The following NLRP2B variants were observed in gnomAD, a reference collection of about 807,000 sequenced individuals.
NLRP2B encodes the protein NLR family pyrin domain containing 2B.
For synonymous variants in NLRP2B, 16 were observed against 3.5 expected (o/e 4.63, Z -4.03); for missense variants, 25 against 6.8 (o/e 3.70, Z -3.00).
rs2011719704 is a variant in NLRP2B at position 57,677,691 on chromosome X, G to A, written c.*2432C>T. On this transcript the variant is annotated 3_prime_UTR_variant, in exon 1 of 1. Transcript: ENST00000434992. ...CAACCAAAACAGCAGCAAAGTTCTT[G>A]CAATTGCCTTCTATAAAGTGACAGT... is the stretch of plus-strand genomic sequence containing the variant. 1 of 352,072 alleles carries A rather than the reference G, an allele frequency of 2.8e-6. No individual in the cohort carries two copies. The highest frequency in any genetic ancestry group is 5.5e-6 in the Non-Finnish European group (1 of 182,268). The allele number at this position is 352,072 out of a possible 1,213,427, so 29.0% of individuals were successfully genotyped here.
At position 57,678,224 on chromosome X, in the gene NLRP2B, C is replaced by A. The variant is rs1029464213; in HGVS notation, c.*1899G>T. On this transcript the variant is annotated 3_prime_UTR_variant, in exon 1 of 1. Transcript: ENST00000434992. ...CAGAAAGGAAGCATGTGTTGATCAT[C>A]CTGGGATCTCTCAACTTCAGCATCT... The A allele has an allele frequency of 1.9e-6, 1 of 534,518 alleles. No individual in the cohort carries two copies. Among genetic ancestry groups the A allele is most frequent in the Non-Finnish European group, 3.4e-6 (1 of 291,734 alleles). 44.1% of individuals were successfully genotyped at this position (534,518 alleles called of 1,213,427 possible). A position where few individuals can be genotyped will look rare whatever the true frequency, so the allele number is the denominator to read the frequency against.
In NLRP2B at chrX:57,679,441, T is replaced by C. The variant is rs1054359132; in HGVS notation, c.*682A>G. 1.3e-5 allele frequency: 13 copies of C among 1,000,718 alleles called. No homozygotes were observed. The Middle Eastern group carries it at 1.0e-3, about 79-fold the overall frequency. The allele number at this position is 1,000,718 out of a possible 1,213,427, so 82.5% of individuals were successfully genotyped here. On this transcript the variant is annotated 3_prime_UTR_variant, in exon 1 of 1. Transcript: ENST00000434992. ...GATTTTCTGTGCTTGGGCTAGGATG[T>C]TTGGAATGTCATCCTGCAATTCAGG...
Position 57,678,499 on chromosome X carries a change from T to C in NLRP2B, c.*1624A>G. On this transcript the variant is annotated 3_prime_UTR_variant, in exon 1 of 1. Coordinates refer to ENST00000434992, the MANE Select transcript of NLRP2B (RefSeq NM_001319967.1). ...GTGTCCAACCTTTTCACAATTTATC[T>C]CTCATCACAGTAATTCCTTTTTGAT... 1 of 512,799 alleles carries C rather than the reference T, an allele frequency of 2.0e-6. No homozygotes were observed. The allele number at this position is 512,799 out of a possible 1,213,427, so 42.3% of individuals were successfully genotyped here. A position where few individuals can be genotyped will look rare whatever the true frequency, so the allele number is the denominator to read the frequency against.
Position 57,680,109 on chromosome X carries a change from TC to T in NLRP2B, c.*13del. The T allele has an allele frequency of 2.2e-6, 1 of 456,433 alleles. No homozygotes were observed. Among genetic ancestry groups the T allele is most frequent in the Non-Finnish European group, 3.9e-6 (1 of 253,944 alleles). 37.6% of individuals were successfully genotyped at this position (456,433 alleles called of 1,213,427 possible). A position where few individuals can be genotyped will look rare whatever the true frequency, so the allele number is the denominator to read the frequency against. Reference sequence around the variant, plus strand: ...GATGATTTCTGCCAGTTGCTTCCCATCAGCCTTGTCTACCTATGTCTGGGGG... The same window carrying T: ...GATGATTTCTGCCAGTTGCTTCCCATAGCCTTGTCTACCTATGTCTGGGGG... On this transcript the variant is annotated 3_prime_UTR_variant, in exon 1 of 1. Coordinates refer to ENST00000434992, the MANE Select transcript of NLRP2B (RefSeq NM_001319967.1).
Position 57,678,618 on chromosome X carries a change from G to T in NLRP2B, c.*1505C>A. On this transcript the variant is annotated 3_prime_UTR_variant, in exon 1 of 1. Transcript: ENST00000434992. Reference sequence around the variant, plus strand: ...ATAAGAAGTGTCTTGCTTGGATCAGGTCGGGGTTCTTGAGTCTTTCTTCTC... The same window carrying T: ...ATAAGAAGTGTCTTGCTTGGATCAGTTCGGGGTTCTTGAGTCTTTCTTCTC... 4.4e-6 allele frequency: 2 copies of T among 457,332 alleles called. No homozygotes were observed. The highest frequency in any genetic ancestry group is 3.9e-5 in the East Asian group (1 of 25,341). The allele number at this position is 457,332 out of a possible 1,213,427, so 37.7% of individuals were successfully genotyped here. A position where few individuals can be genotyped will look rare whatever the true frequency, so the allele number is the denominator to read the frequency against.
Position 57,678,601 on chromosome X carries a change from T to C in NLRP2B, c.*1522A>G. ...CTCGTTGGCGAAGCCGAATAAGAAG[T>C]GTCTTGCTTGGATCAGGTCGGGGTT... On this transcript the variant is annotated 3_prime_UTR_variant, in exon 1 of 1. Transcript: ENST00000434992. 1 of 473,015 alleles carries C rather than the reference T, an allele frequency of 2.1e-6. No individual in the cohort carries two copies. Among genetic ancestry groups the C allele is most frequent in the Non-Finnish European group, 3.9e-6 (1 of 257,052 alleles). 39.0% of individuals were successfully genotyped at this position (473,015 alleles called of 1,213,427 possible).
At position 57,677,714 on chromosome X, in the gene NLRP2B, A is replaced by C. The variant is rs921922113; in HGVS notation, c.*2409T>G. ...TTGCAATTGCCTTCTATAAAGTGAC[A>C]GTTTTCCAACAACAACCTCGGCAGG... On this transcript the variant is annotated 3_prime_UTR_variant, in exon 1 of 1. Transcript: ENST00000434992. The C allele has an allele frequency of 2.7e-6, 1 of 375,426 alleles. No homozygotes were observed. The highest frequency in any genetic ancestry group is 2.5e-5 in the African/African-American group (1 of 39,232). 30.9% of individuals were successfully genotyped at this position (375,426 alleles called of 1,213,427 possible). A position where few individuals can be genotyped will look rare whatever the true frequency, so the allele number is the denominator to read the frequency against.
Position 57,678,520 on chromosome X carries a change from T to C in NLRP2B, c.*1603A>G, listed in dbSNP as rs2011732080. ...TATCTCTCATCACAGTAATTCCTTT[T>C]TGATCTCCGGTGACATCAGGCAGCC... On this transcript the variant is annotated 3_prime_UTR_variant, in exon 1 of 1. Transcript: ENST00000434992. The C allele has an allele frequency of 2.0e-6, 1 of 508,331 alleles. No homozygotes were observed. Among genetic ancestry groups the C allele is most frequent in the African/African-American group, 2.3e-5 (1 of 43,591 alleles). The allele number at this position is 508,331 out of a possible 1,213,427, so 41.9% of individuals were successfully genotyped here.
In NLRP2B at chrX:57,677,784, C is replaced by T; in HGVS notation, c.*2339G>A. ...AAGTTGTGTACAGCAACTTGGCACCCTCATCCAAGAGCTCATTGTGAGAGA... is the reference window on the plus strand; with the variant it reads ...AAGTTGTGTACAGCAACTTGGCACCTTCATCCAAGAGCTCATTGTGAGAGA... On this transcript the variant is annotated 3_prime_UTR_variant, in exon 1 of 1. Coordinates refer to ENST00000434992, the MANE Select transcript of NLRP2B (RefSeq NM_001319967.1). 2.3e-6 allele frequency: 1 copy of T among 439,350 alleles called. No individual in the cohort carries two copies. Among genetic ancestry groups the T allele is most frequent in the Non-Finnish European group, 4.4e-6 (1 of 229,466 alleles). The allele number at this position is 439,350 out of a possible 1,213,427, so 36.2% of individuals were successfully genotyped here. A position where few individuals can be genotyped will look rare whatever the true frequency, so the allele number is the denominator to read the frequency against.
In NLRP2B at chrX:57,677,644, AG is replaced by A; in HGVS notation, c.*2478del. The A allele has an allele frequency of 3.1e-6, 1 of 325,120 alleles. No individual in the cohort carries two copies. Among genetic ancestry groups the A allele is most frequent in the Non-Finnish European group, 5.9e-6 (1 of 168,482 alleles). 26.8% of individuals were successfully genotyped at this position (325,120 alleles called of 1,213,427 possible). ...GAGTGGGGGGTTCTTGGCCAAGCAC[AG>A]GTGTGTCAGCTCCCCGCTGACAACC... On this transcript the variant is annotated 3_prime_UTR_variant, in exon 1 of 1. Coordinates refer to ENST00000434992, the MANE Select transcript of NLRP2B (RefSeq NM_001319967.1).
Position 57,677,543 on chromosome X carries a change from C to A in NLRP2B, c.*2580G>T, listed in dbSNP as rs1309810046. 6.3e-6 allele frequency: 2 copies of A among 315,376 alleles called. No individual in the cohort carries two copies. The highest frequency in any genetic ancestry group is 1.2e-5 in the Non-Finnish European group (2 of 165,923). The allele number at this position is 315,376 out of a possible 1,213,427, so 26.0% of individuals were successfully genotyped here. On this transcript the variant is annotated 3_prime_UTR_variant, in exon 1 of 1. Coordinates refer to ENST00000434992, the MANE Select transcript of NLRP2B (RefSeq NM_001319967.1). Reference sequence around the variant, plus strand: ...CAGCCATTGCTAGTTATGTCGCAGTCCCACAGCACCAGGGTCTGTAGTTTA... The same window carrying A: ...CAGCCATTGCTAGTTATGTCGCAGTACCACAGCACCAGGGTCTGTAGTTTA...
rs1267262697 is a variant in NLRP2B, at chrX:57,678,877, C to T, written c.*1246G>A. On this transcript the variant is annotated 3_prime_UTR_variant, in exon 1 of 1. Transcript: ENST00000434992. ...CCCGAGCCTCGCCAAGTCCTCTCCA[C>T]GGAACACTGACATCTGCGCCCACAG... The T allele has an allele frequency of 1.3e-5, 5 of 376,123 alleles. No homozygotes were observed. The highest frequency in any genetic ancestry group is 3.4e-5 in the South Asian group (1 of 29,291). 31.0% of individuals were successfully genotyped at this position (376,123 alleles called of 1,213,427 possible).
rs942827212 is a variant in NLRP2B, at chrX:57,680,016, G to T, written c.*107C>A. 5.1e-5 allele frequency: 18 copies of T among 349,848 alleles called. No individual in the cohort carries two copies. Among genetic ancestry groups the T allele is most frequent in the South Asian group, 1.1e-4 (1 of 9,415 alleles). The allele number at this position is 349,848 out of a possible 1,213,427, so 28.8% of individuals were successfully genotyped here. A position where few individuals can be genotyped will look rare whatever the true frequency, so the allele number is the denominator to read the frequency against. The stretch of plus-strand genomic sequence containing the variant: ...ATCCTTTACTTTCTCAGACAGATCC[G>T]CTCGGTGCATCTTTTCAAAGACCTG... On this transcript the variant is annotated 3_prime_UTR_variant, in exon 1 of 1. Transcript: ENST00000434992.
rs1368855230 is a variant in NLRP2B, at chrX:57,678,689, C to T, written c.*1434G>A. The T allele has an allele frequency of 2.7e-5, 11 of 411,064 alleles. No individual in the cohort carries two copies. Among genetic ancestry groups the T allele is most frequent in the Non-Finnish European group, 4.5e-5 (10 of 223,467 alleles). 33.9% of individuals were successfully genotyped at this position (411,064 alleles called of 1,213,427 possible). ...TCTCCATTGTCCCAGGCGTGGCCGT[C>T]CTTGTCCTCCTCCTCCTCCTCCTCC... On this transcript the variant is annotated 3_prime_UTR_variant, in exon 1 of 1. Coordinates refer to ENST00000434992, the MANE Select transcript of NLRP2B (RefSeq NM_001319967.1).
rs971054006 is a variant in NLRP2B, at chrX:57,679,211, C to T, written c.*912G>A. On this transcript the variant is annotated 3_prime_UTR_variant, in exon 1 of 1. Coordinates refer to ENST00000434992, the MANE Select transcript of NLRP2B (RefSeq NM_001319967.1). ...GGAACTCCTCCACCCTTACATAGAT[C>T]GGCCGCTCCACCAACAGCCGGAGGT... 1.1e-5 allele frequency: 5 copies of T among 449,221 alleles called. No homozygotes were observed. Among genetic ancestry groups the T allele is most frequent in the Non-Finnish European group, 2.0e-5 (5 of 244,414 alleles). The allele number at this position is 449,221 out of a possible 1,213,427, so 37.0% of individuals were successfully genotyped here. A position where few individuals can be genotyped will look rare whatever the true frequency, so the allele number is the denominator to read the frequency against.
chrX:57,679,275 G>C lies in NLRP2B; in HGVS notation c.*848C>G, dbSNP rs975976075. ...CAGGCCACGTGGTGACCAGCACGGC[G>C]GCCCTGGGTAAAATCTTCCTCTTCA... On this transcript the variant is annotated 3_prime_UTR_variant, in exon 1 of 1. Coordinates refer to ENST00000434992, the MANE Select transcript of NLRP2B (RefSeq NM_001319967.1). 4.3e-6 allele frequency: 2 copies of C among 467,475 alleles called. No individual in the cohort carries two copies. Among genetic ancestry groups the C allele is most frequent in the East Asian group, 8.0e-5 (2 of 25,052 alleles). The allele number at this position is 467,475 out of a possible 1,213,427, so 38.5% of individuals were successfully genotyped here.
chrX:57,679,389 C>A lies in NLRP2B; in HGVS notation c.*734G>T. The A allele has an allele frequency of 1.2e-6, 1 of 830,387 alleles. No homozygotes were observed. Among genetic ancestry groups the A allele is most frequent in the Non-Finnish European group, 1.8e-6 (1 of 555,124 alleles). The allele number at this position is 830,387 out of a possible 1,213,427, so 68.4% of individuals were successfully genotyped here. On this transcript the variant is annotated 3_prime_UTR_variant, in exon 1 of 1. Coordinates refer to ENST00000434992, the MANE Select transcript of NLRP2B (RefSeq NM_001319967.1). Reference sequence around the variant, plus strand: ...TCAGTGCCCCAGGTGGGGCTCCCAGCTCATCAAAGCCGTCGACCACGAACA... The same window carrying A: ...TCAGTGCCCCAGGTGGGGCTCCCAGATCATCAAAGCCGTCGACCACGAACA...
chrX:57,678,701 C>T lies in NLRP2B; in HGVS notation c.*1422G>A, dbSNP rs2011735898. ...CAGGCGTGGCCGTCCTTGTCCTCCT[C>T]CTCCTCCTCCTCCTCCTTCTCCAGG... is the stretch of plus-strand genomic sequence containing the variant. On this transcript the variant is annotated 3_prime_UTR_variant, in exon 1 of 1. Transcript: ENST00000434992. The T allele has an allele frequency of 5.0e-6, 2 of 396,627 alleles. No individual in the cohort carries two copies. The highest frequency in any genetic ancestry group is 2.5e-5 in the African/African-American group (1 of 40,166). 32.7% of individuals were successfully genotyped at this position (396,627 alleles called of 1,213,427 possible).
rs1017678725 is a variant in NLRP2B, at chrX:57,679,271, C to G, written c.*852G>C. 1 of 466,676 alleles carries G rather than the reference C, an allele frequency of 2.1e-6. No homozygotes were observed. The highest frequency in any genetic ancestry group is 4.0e-5 in the East Asian group (1 of 24,934). The allele number at this position is 466,676 out of a possible 1,213,427, so 38.5% of individuals were successfully genotyped here. A position where few individuals can be genotyped will look rare whatever the true frequency, so the allele number is the denominator to read the frequency against. Reference sequence around the variant, plus strand: ...CCCGCAGGCCACGTGGTGACCAGCACGGCGGCCCTGGGTAAAATCTTCCTC... The same window carrying G: ...CCCGCAGGCCACGTGGTGACCAGCAGGGCGGCCCTGGGTAAAATCTTCCTC... On this transcript the variant is annotated 3_prime_UTR_variant, in exon 1 of 1. Coordinates refer to ENST00000434992, the MANE Select transcript of NLRP2B (RefSeq NM_001319967.1).
Sources: allele counts gnomAD v4.1 joint callset, GRCh38; gene constraint gnomAD v4.1.1; transcripts MANE v1.5; gene names NCBI Gene and HGNC (gene_info 2026-07-23, HGNC 2026-07-21).